The following SHC3 variants were observed in gnomAD, a reference collection of about 807,000 sequenced individuals.
SHC3 encodes SHC adaptor protein 3.
Under a neutral mutation model 60.4 loss-of-function variants are expected in SHC3, and 15 were observed. The ratio of observed to expected loss-of-function variants is 0.25; its 90% confidence interval spans 0.17 to 0.38. The LOEUF (loss-of-function observed/expected upper bound fraction) is 0.38, where lower values mean the gene tolerates loss of function less well. Ranked by LOEUF, SHC3 falls within the 10% of genes least tolerant of loss-of-function variation. SHC3 has a pLI of 1.00. For missense variants in SHC3, 677 were observed against 786.1 expected (o/e 0.86, Z 1.66); for synonymous variants, 294 against 325.9 (o/e 0.90, Z 1.05).
At chr9:89,027,541 C>G (rs112224123) in intron 11 of SHC3, among the ~76,000 whole-genome samples, 6 of 152,188 alleles carry the variant, frequency 3.9e-5, no homozygotes, top group African/African-American at 1.4e-4. Context: ...TGGTCACAAT[C>G]CCCTGACCTC....
At position 89,122,387 on chromosome 9, in the gene SHC3, G is replaced by A. The variant is rs530800478; in HGVS notation, c.475-9761C>T. On this transcript the variant is annotated intron_variant, in intron 1 of 11. Transcript: ENST00000375835. ...GAAATGATGCATTTTTAAAATTGTC[G>A]TCATTGCCATATCATGTGGCCAATC... 1.1e-4 allele frequency among the ~76,000 whole-genome samples: 16 copies of A among 152,300 alleles called. No homozygotes were observed. In the South Asian group the frequency reaches 2.7e-3, roughly 26 times the overall value.
intron 6 of SHC3, among the ~76,000 whole-genome samples, chr9:89,063,897 A>G (rs1825132602): frequency 6.6e-6 from 1 of 152,254 alleles, no homozygotes; most frequent in Non-Finnish European, 1.5e-5. Flanking sequence ...TGTCTTAATC[A>G]GCTGGGACTG....
chr9:89,138,207 T>C (rs1416404250), intron 1 of SHC3, among the ~76,000 whole-genome samples: 1 of 152,132 alleles, frequency 6.6e-6, no homozygotes, highest in Non-Finnish European at 1.5e-5. Flanking sequence ...GGTTCTTGAA[T>C]CTGCACAAGA....
chr9:89,127,956 T>C (rs1489058272), intron 1 of SHC3, among the ~76,000 whole-genome samples: 2 of 152,162 alleles, frequency 1.3e-5, no homozygotes, highest in Non-Finnish European at 2.9e-5. Flanking sequence ...CCTGTTCCTC[T>C]GAGGGCTCCA....
At chr9:89,121,698 A>T (rs1009197290) in intron 1 of SHC3, among the ~76,000 whole-genome samples, 17 of 152,216 alleles carry the variant, frequency 1.1e-4, no homozygotes, top group Admixed American at 9.8e-4. Context: ...AAAGAATTAG[A>T]ACTCTCTAAA....
intron 10 of SHC3, among the ~76,000 whole-genome samples, chr9:89,039,177 C>A (rs886968709): frequency 6.6e-6 from 1 of 152,222 alleles, no homozygotes; most frequent in Admixed American, 6.5e-5. Context: ...CACATACATA[C>A]AACATAAGCA....
intron 1 of SHC3, among the ~76,000 whole-genome samples, chr9:89,145,882 T>G (rs1441460521): frequency 1.3e-5 from 2 of 152,190 alleles, no homozygotes; most frequent in Non-Finnish European, 2.9e-5. Flanking sequence ...ACTGTTAAGT[T>G]TTATATGTAT....
intron 1 of SHC3, among the ~76,000 whole-genome samples, chr9:89,124,653 C>T (rs1355083202): frequency 6.6e-6 from 1 of 151,896 alleles, no homozygotes; most frequent in Non-Finnish European, 1.5e-5. Context: ...CACATGAACA[C>T]AGGGAGGGGA....
intron 8 of SHC3, 125 bp downstream of exon 8, chr9:89,046,719 G>T (rs146566768): frequency 1.0e-5 from 12 of 1,146,074 alleles, no homozygotes; most frequent in African/African-American, 6.3e-5. Flanking sequence ...GTGAGAGAAA[G>T]CTCATGATTT....
At chr9:89,035,303 C>A (rs553750425) in intron 11 of SHC3, among the ~76,000 whole-genome samples, 74 of 152,314 alleles carry the variant, frequency 4.9e-4, no homozygotes, top group African/African-American at 1.7e-3. Flanking sequence ...ACATTCATTG[C>A]AAGCCCTATT....
chr9:89,098,120 G>C (rs1825731471), intron 2 of SHC3, among the ~76,000 whole-genome samples: 1 of 152,120 alleles, frequency 6.6e-6, no homozygotes, highest in Admixed American at 6.5e-5. Context: ...CTAATCATGA[G>C]ACAGCAATAG....
At chr9:89,054,483 G>A (rs1824916308) in intron 6 of SHC3, among the ~76,000 whole-genome samples, 1 of 152,160 alleles carries the variant, frequency 6.6e-6, no homozygotes, top group Non-Finnish European at 1.5e-5. Flanking sequence ...TTGTCTCTCT[G>A]GGCCTGGTAT....
rs1364048061 is a variant in SHC3, at chr9:89,163,477, A to G, written c.474+14510T>C. On this transcript the variant is annotated intron_variant, in intron 1 of 11. Transcript: ENST00000375835. ...GATGAAATTGGAAATCATCATTCTC[A>G]GTAAACTATCGCAAGAACAAAAAAC... Among the ~76,000 whole-genome samples, 5 of 150,840 alleles carry G rather than the reference A, an allele frequency of 3.3e-5. No individual in the cohort carries two copies. The East Asian group carries it at 7.9e-4, about 24-fold the overall frequency.
intron 5 of SHC3, 85 bp downstream of exon 5, chr9:89,071,114 T>A: frequency 1.6e-6 from 2 of 1,268,212 alleles, no homozygotes; most frequent in South Asian, 2.6e-5. Flanking sequence ...TTTTTTACAG[T>A]GTCTTGCAAG....
intron 2 of SHC3, among the ~76,000 whole-genome samples, chr9:89,080,924 G>A (rs528334557): frequency 7.2e-5 from 11 of 151,788 alleles, no homozygotes; most frequent in Non-Finnish European, 1.5e-4. Context: ...CGGCCACCAC[G>A]CCCAGCTAAT....
chr9:89,073,123 C>T (rs2117999880), intron 4 of SHC3, among the ~76,000 whole-genome samples: 1 of 152,250 alleles, frequency 6.6e-6, no homozygotes, highest in Non-Finnish European at 1.5e-5. Flanking sequence ...TAGCAACCAC[C>T]AGGAAATGAT....
chr9:89,156,674 A>C (rs945080259), intron 1 of SHC3, among the ~76,000 whole-genome samples: 5 of 152,278 alleles, frequency 3.3e-5, no homozygotes, highest in Admixed American at 3.3e-4. Context: ...GTTTTCCAGA[A>C]ACCTAGACCC....
At chr9:89,115,344 C>T (rs75701279) in intron 1 of SHC3, among the ~76,000 whole-genome samples, 1 of 152,114 alleles carries the variant, frequency 6.6e-6, no homozygotes, top group African/African-American at 2.4e-5. Context: ...TACATGAATA[C>T]CACCAACAAC....
chr9:89,076,352 A>C (rs1825358634), intron 3 of SHC3, among the ~76,000 whole-genome samples: 1 of 152,184 alleles, frequency 6.6e-6, no homozygotes, highest in Non-Finnish European at 1.5e-5. Context: ...GAAGACAGAA[A>C]CAAGCTTGAG....
Sources: allele counts gnomAD v4.1 joint callset (sites outside exome capture counted in the v4.1 genomes callset), GRCh38; gene constraint gnomAD v4.1.1; transcripts MANE v1.5; gene names NCBI Gene and HGNC (gene_info 2026-07-23, HGNC 2026-07-21).